UBAC2: variants seen among roughly 807,000 people sequenced by gnomAD.
UBAC2 encodes ubiquitin-associated domain-containing protein 2.
Under a neutral mutation model 44.0 loss-of-function variants are expected in UBAC2, and 26 were observed. The observed-to-expected ratio is 0.59, with a 90% confidence interval of 0.43 to 0.82. UBAC2 has a LOEUF of 0.82. Ranked by LOEUF, UBAC2 falls within the 40% of genes least tolerant of loss-of-function variation. The probability of loss-of-function intolerance (pLI) is 0.00; values close to 1 mark genes in which losing one functional copy is unlikely to be tolerated. For synonymous variants in UBAC2, 155 were observed against 154.3 expected (o/e 1.00, Z -0.04); for missense variants, 329 against 419.4 (o/e 0.78, Z 1.88).
intron 4 of UBAC2, among the ~76,000 whole-genome samples, chr13:99,292,317 T>G (rs1375174661): frequency 6.7e-6 from 1 of 149,312 alleles, no homozygotes; most frequent in Non-Finnish European, 1.5e-5. Context: ...TTTTTTTTTG[T>G]ATTTTTAGTA....
intron 4 of UBAC2, among the ~76,000 whole-genome samples, chr13:99,300,614 C>T (rs1305228464): frequency 6.6e-6 from 1 of 152,196 alleles, no homozygotes; most frequent in East Asian, 1.9e-4. Flanking sequence ...TGAATTAAGT[C>T]CATTCTTTCA....
chr13:99,223,747 C>T (rs905276293), intron 1 of UBAC2, among the ~76,000 whole-genome samples: 3 of 151,586 alleles, frequency 2.0e-5, no homozygotes, highest in Non-Finnish European at 4.4e-5. Flanking sequence ...CCTCTTTGAC[C>T]CAGATATTGT....
At chr13:99,250,953 A>G (rs1362568841) in intron 4 of UBAC2, among the ~76,000 whole-genome samples, 1 of 151,886 alleles carries the variant, frequency 6.6e-6, no homozygotes, top group African/African-American at 2.4e-5. Context: ...GTTTCACTGC[A>G]TTAGCCAGGA....
At chr13:99,345,741 C>CT (rs766632532) in intron 7 of UBAC2, among the ~76,000 whole-genome samples, 1,434 of 130,930 alleles carry the variant, frequency 0.011, 13 homozygotes, top group African/African-American at 0.02. Flanking sequence ...TTTTTTCTTT[C>CT]TTTTTTTTTT....
intron 4 of UBAC2, among the ~76,000 whole-genome samples, chr13:99,285,195 C>G (rs985239956): frequency 1.3e-5 from 2 of 152,028 alleles, no homozygotes; most frequent in African/African-American, 4.8e-5. Context: ...ATCCTATTAG[C>G]TTGGAAATGC....
At chr13:99,370,502 A>G (rs964538598) in intron 8 of UBAC2, among the ~76,000 whole-genome samples, 2 of 152,198 alleles carry the variant, frequency 1.3e-5, no homozygotes, top group African/African-American at 4.8e-5. Flanking sequence ...TTTCCCTTTC[A>G]GCAAACAAAA....
chr13:99,259,132 G>A (rs148670950), intron 4 of UBAC2, among the ~76,000 whole-genome samples: 1 of 152,246 alleles, frequency 6.6e-6, no homozygotes, highest in Non-Finnish European at 1.5e-5. Flanking sequence ...AATGAAACCA[G>A]CAGAAAGGGA....
At chr13:99,245,923 G>T (rs1366264896) in intron 4 of UBAC2, among the ~76,000 whole-genome samples, 2 of 152,186 alleles carry the variant, frequency 1.3e-5, no homozygotes, top group Non-Finnish European at 2.9e-5. Flanking sequence ...ACATGTAAAT[G>T]ACCTCCAAGC....
intron 4 of UBAC2, among the ~76,000 whole-genome samples, chr13:99,312,101 A>C (rs919632176): frequency 1.3e-5 from 2 of 152,198 alleles, no homozygotes; most frequent in African/African-American, 4.8e-5. Flanking sequence ...GCCATTTATC[A>C]CATTTGTTTT....
chr13:99,323,062 G>A (rs1222081740), intron 6 of UBAC2, among the ~76,000 whole-genome samples: 5 of 152,024 alleles, frequency 3.3e-5, no homozygotes, highest in Admixed American at 1.3e-4. Context: ...GCTTCTGGGC[G>A]AGGGATGGTA....
intron 2 of UBAC2, among the ~76,000 whole-genome samples, chr13:99,242,028 A>C (rs1396640035): frequency 1.1e-4 from 16 of 151,158 alleles, no homozygotes; most frequent in Admixed American, 9.2e-4. Context: ...GACACAGCAC[A>C]TGTTTCAGAG....
At chr13:99,280,825 C>A (rs1192367058) in intron 4 of UBAC2, among the ~76,000 whole-genome samples, 1 of 115,680 alleles carries the variant, frequency 8.6e-6, no homozygotes, top group East Asian at 2.4e-4. Flanking sequence ...CTTCCTTCTT[C>A]TTTCCCTCTC....
At chr13:99,343,170 C>T (rs1312779430) in intron 7 of UBAC2, among the ~76,000 whole-genome samples, 3 of 152,188 alleles carry the variant, frequency 2.0e-5, no homozygotes, top group African/African-American at 7.2e-5. Context: ...GGGTTTCTGT[C>T]GGCCCACCTG....
intron 4 of UBAC2, among the ~76,000 whole-genome samples, chr13:99,262,560 G>A (rs1458666751): frequency 1.3e-5 from 2 of 151,898 alleles, no homozygotes; most frequent in Non-Finnish European, 2.9e-5. Flanking sequence ...AAAATTAGCT[G>A]GGCATGGTGG....
chr13:99,342,372 T>TGGGGCA (rs1491413182), intron 7 of UBAC2, among the ~76,000 whole-genome samples: 3 of 152,116 alleles, frequency 2.0e-5, no homozygotes, highest in Non-Finnish European at 2.9e-5. Flanking sequence ...CGTGTGAATT[T>TGGGGCA]GGGGCAGGGG....
chr13:99,200,947 C>G lies in UBAC2; in HGVS notation c.31+8C>G. ...CCGGCTCCAGTGGGCTCTGTGAGTA[C>G]CGGCCTCCGCCATCCTGGCTGCCCC... is the stretch of plus-strand genomic sequence containing the variant. On this transcript the variant is annotated splice_region_variant and intron_variant, in intron 1 of 8. Coordinates refer to ENST00000403766, the MANE Select transcript of UBAC2 (RefSeq NM_001144072.2). 6.9e-6 allele frequency: 9 copies of G among 1,306,754 alleles called. No homozygotes were observed. The highest frequency in any genetic ancestry group is 8.8e-6 in the Non-Finnish European group (9 of 1,019,698). 80.9% of individuals were successfully genotyped at this position (1,306,754 alleles called of 1,614,324 possible).
At chr13:99,211,335 G>A (rs1329656490) in intron 1 of UBAC2, among the ~76,000 whole-genome samples, 1 of 152,178 alleles carries the variant, frequency 6.6e-6, no homozygotes, top group Non-Finnish European at 1.5e-5. Flanking sequence ...ACTTTCTACT[G>A]TATCATACAA....
At chr13:99,203,901 G>A (rs1462834417) in intron 1 of UBAC2, among the ~76,000 whole-genome samples, 1 of 151,524 alleles carries the variant, frequency 6.6e-6, no homozygotes, top group East Asian at 1.9e-4. Context: ...CAATGCAGTT[G>A]AAAACACCCT....
intron 7 of UBAC2, among the ~76,000 whole-genome samples, chr13:99,355,037 A>G (rs566012094): frequency 2.6e-5 from 4 of 152,328 alleles, no homozygotes; most frequent in Admixed American, 2.6e-4. Context: ...AATGAGACTC[A>G]GGTGGTCACT....
Sources: allele counts gnomAD v4.1 joint callset (sites outside exome capture counted in the v4.1 genomes callset), GRCh38; gene constraint gnomAD v4.1.1; transcripts MANE v1.5; gene names NCBI Gene and HGNC (gene_info 2026-07-23, HGNC 2026-07-21).